The following PFKP variants were observed in gnomAD, a reference collection of about 807,000 sequenced individuals.
The protein encoded by PFKP is ATP-dependent 6-phosphofructokinase, platelet type.
A neutral mutation model predicts 94.3 loss-of-function variants in PFKP; 101 were observed. The ratio of observed to expected loss-of-function variants is 1.07; its 90% CI spans 0.91 to 1.26. The LOEUF (loss-of-function observed/expected upper bound fraction) is 1.26. Among genes scored for constraint, PFKP ranks in the 50% most tolerant of loss-of-function variants. The pLI is 0.00. For synonymous variants in PFKP, 573 were observed against 432.6 expected (o/e 1.32, Z -4.03); for missense variants, 1,145 against 1,103.3 (o/e 1.04, Z -0.53).
intron 4 of PFKP, among the ~76,000 whole-genome samples, chr10:3,102,781 G>A (rs1038789899): frequency 4.6e-5 from 7 of 152,206 alleles, no homozygotes; most frequent in African/African-American, 1.7e-4. Context: ...ACAGCAACTC[G>A]ATGAGAGGCG....
chr10:3,072,418 G>A (rs1244748663), intron 1 of PFKP, among the ~76,000 whole-genome samples: 3 of 152,216 alleles, frequency 2.0e-5, no homozygotes, highest in African/African-American at 7.2e-5. Flanking sequence ...GCGCCATTTT[G>A]CCTCCCACGG....
intron 10 of PFKP, 71 bp from the exon 11 acceptor site, chr10:3,112,151 C>G (rs1324103040): frequency 1.6e-6 from 2 of 1,284,832 alleles, no homozygotes; most frequent in Non-Finnish European, 2.3e-6. Context: ...CCGAGCCAGT[C>G]TCTACCTACC....
chr10:3,132,868 C>G (rs374518966), intron 18 of PFKP, among the ~76,000 whole-genome samples: 3 of 151,774 alleles, frequency 2.0e-5, no homozygotes, highest in African/African-American at 7.3e-5. Context: ...GCACAGACAG[C>G]ATGGAGATGC....
chr10:3,075,597 G>A (rs1588384804), intron 1 of PFKP, among the ~76,000 whole-genome samples: 1 of 144,598 alleles, frequency 6.9e-6, no homozygotes, highest in East Asian at 2.0e-4. Context: ...AGAAAGGCGG[G>A]GCAGGGGGCC....
chr10:3,071,454 CTCT>C (rs1832191167), intron 1 of PFKP, among the ~76,000 whole-genome samples: 1 of 63,680 alleles, frequency 1.6e-5, no homozygotes, highest in Non-Finnish European at 3.2e-5. Flanking sequence ...TTTTTTCTTT[CTCT>C]TCTTCTGCCT....
intron 1 of PFKP, among the ~76,000 whole-genome samples, chr10:3,082,155 C>T (rs1178031923): frequency 6.6e-6 from 1 of 152,028 alleles, no homozygotes; most frequent in Non-Finnish European, 1.5e-5. Context: ...GTACCAAGTC[C>T]AGGCAGTGAT....
intron 1 of PFKP, among the ~76,000 whole-genome samples, chr10:3,079,841 G>T (rs1284935427): frequency 6.6e-6 from 1 of 152,178 alleles, no homozygotes; most frequent in East Asian, 1.9e-4. Context: ...GAGTTGAAGA[G>T]TCCAGGCACT....
intron 2 of PFKP, among the ~76,000 whole-genome samples, chr10:3,097,252 A>G (rs1316530350): frequency 6.6e-6 from 1 of 151,734 alleles, no homozygotes; most frequent in Non-Finnish European, 1.5e-5. Flanking sequence ...GGCTTTGCAC[A>G]TGACCGTCTG....
intron 2 of PFKP, among the ~76,000 whole-genome samples, chr10:3,097,637 C>A (rs1445010763): frequency 2.0e-5 from 3 of 152,142 alleles, no homozygotes; most frequent in Non-Finnish European, 4.4e-5. Context: ...AATGAACCAG[C>A]TCTGTTTTGG....
At chr10:3,072,916 C>T (rs1022383070) in intron 1 of PFKP, among the ~76,000 whole-genome samples, 9 of 151,910 alleles carry the variant, frequency 5.9e-5, no homozygotes, top group Non-Finnish European at 8.8e-5. Flanking sequence ...AACAGAGGGC[C>T]GTATGTCAGT....
chr10:3,120,136 C>T (rs1330024885), intron 16 of PFKP, 92 bp downstream of exon 16: 3 of 996,516 alleles, frequency 3.0e-6, no homozygotes, highest in Non-Finnish European at 4.6e-6. Context: ...TAGAAATAGC[C>T]TTTTACAAAT....
chr10:3,130,426 T>C (rs1588568941), intron 17 of PFKP, among the ~76,000 whole-genome samples: 1 of 152,184 alleles, frequency 6.6e-6, no homozygotes, highest in Non-Finnish European at 1.5e-5. Flanking sequence ...GTGGCTCTTT[T>C]AGGGAAGGGT....
intron 16 of PFKP, chr10:3,129,149 C>A (rs1369187063): frequency 1.3e-5 from 2 of 152,368 alleles, no homozygotes; most frequent in Admixed American, 1.3e-4. Context: ...CGATGCATTT[C>A]TTTGCCATTT....
intron 2 of PFKP, among the ~76,000 whole-genome samples, chr10:3,087,349 C>T (rs1055447211): frequency 3.9e-5 from 6 of 152,172 alleles, no homozygotes; most frequent in African/African-American, 9.7e-5. Context: ...ATCCATGTGA[C>T]TCCATGGCCG....
intron 2 of PFKP, among the ~76,000 whole-genome samples, chr10:3,093,836 G>A (rs956621372): frequency 3.9e-5 from 6 of 151,934 alleles, no homozygotes; most frequent in Non-Finnish European, 8.8e-5. Context: ...GTAGAGGTGG[G>A]GTTTCACCGT....
intron 2 of PFKP, among the ~76,000 whole-genome samples, chr10:3,093,050 TC>T (rs1430707616): frequency 1.3e-5 from 2 of 150,456 alleles, no homozygotes; most frequent in Non-Finnish European, 3.0e-5. Flanking sequence ...AAGCCTGAAC[TC>T]CTGGGATGTG....
intron 2 of PFKP, among the ~76,000 whole-genome samples, chr10:3,091,716 G>A (rs1834052951): frequency 6.6e-6 from 1 of 152,184 alleles, no homozygotes; most frequent in South Asian, 2.1e-4. Context: ...AACTCAGGAG[G>A]TGGAGGTTGC....
intron 14 of PFKP, 53 bp downstream of exon 14, chr10:3,116,899 C>T (rs561160235): frequency 2.3e-5 from 32 of 1,371,492 alleles, no homozygotes; most frequent in Middle Eastern, 1.8e-4. Context: ...AAGGAAGAGC[C>T]GTGTTCTGGG....
rs188171159 is a variant in PFKP, at chr10:3,121,380, T to G, written c.1683+1336T>G. Among the ~76,000 whole-genome samples, 5 of 152,332 alleles carry G rather than the reference T, an allele frequency of 3.3e-5. No homozygotes were observed. The East Asian group carries it at 9.6e-4, about 29-fold the overall frequency. On this transcript the variant is annotated intron_variant, in intron 16 of 21. Transcript: ENST00000381125. ...TCACAGACTGGATTCCGTCATTGCTTTCACTGCTCTTTCGCCTGCTTTAGC... is the reference window on the plus strand; with the variant it reads ...TCACAGACTGGATTCCGTCATTGCTGTCACTGCTCTTTCGCCTGCTTTAGC...
Sources: gnomAD v4.1 joint callset for allele counts (sites outside exome capture counted in the v4.1 genomes callset) on GRCh38, gnomAD v4.1.1 for gene constraint, MANE v1.5 for transcripts, NCBI Gene and HGNC (gene_info 2026-07-23, HGNC 2026-07-21) for gene names.